Variants in ATRX observed in about 807,000 individuals in gnomAD.
The protein encoded by ATRX is ATRX chromatin remodeler.
ATRX carries 12 observed loss-of-function variants against 172.6 expected under a neutral mutation model. That is an observed-to-expected ratio of 0.07 (90% CI 0.04 to 0.11). The LOEUF (loss-of-function observed/expected upper bound fraction) is 0.11, where lower values mean the gene tolerates loss of function less well. Among genes scored for constraint, ATRX ranks in the 10% least tolerant of loss-of-function variants. The pLI, the probability that ATRX is intolerant of heterozygous loss-of-function variation, is 1.00. For missense variants in ATRX, 1,368 were observed against 1,767.4 expected, an observed-to-expected ratio of 0.77 and a Z score of 4.05; for synonymous variants, 674 against 594.7, an observed-to-expected ratio of 1.13 and a Z score of -1.94.
chrX:77,539,569 AAG>A (rs2063890059), intron 30 of ATRX, among the ~76,000 whole-genome samples: 1 of 111,274 alleles, frequency 9.0e-6, no homozygotes, highest in Non-Finnish European at 1.9e-5. Flanking sequence ...CTAAAAAAAA[AAG>A]AGACATAACA....
chrX:77,595,629 G>A (rs1288339538), intron 25 of ATRX: 2 of 110,894 alleles, frequency 1.8e-5, no homozygotes, highest in Non-Finnish European at 3.8e-5. Context: ...AGGGCTCGAA[G>A]TCTCAAATCC....
Position 77,574,240 on chromosome X carries a change from T to A in ATRX, c.6326+10A>T. 8.8e-7 allele frequency: 1 copy of A among 1,133,553 alleles called. No homozygotes were observed. The highest frequency in any genetic ancestry group is 1.2e-6 in the Non-Finnish European group (1 of 826,761). The allele number at this position is 1,133,553 out of a possible 1,213,427, so 93.4% of individuals were successfully genotyped here. On this transcript the variant is annotated intron_variant, in intron 28 of 34. Transcript: ENST00000373344. ...TTAATGTTTCTACATATACAGAAAA[T>A]TTTTCCTACCTCACATTAGTTTCAT...
intron 30 of ATRX, among the ~76,000 whole-genome samples, chrX:77,532,474 C>A (rs2063609578): frequency 9.0e-6 from 1 of 110,695 alleles, no homozygotes; most frequent in African/African-American, 3.3e-5. Context: ...AATAGAGAAC[C>A]CAGAAATAAG....
intron 1 of ATRX, among the ~76,000 whole-genome samples, chrX:77,725,370 G>A (rs1557172093): frequency 8.9e-6 from 1 of 111,859 alleles, no homozygotes; most frequent in East Asian, 2.8e-4. Flanking sequence ...AAAAAATGGG[G>A]AAAGAATTCC....
chrX:77,749,519 C>G (rs782431265), intron 1 of ATRX, among the ~76,000 whole-genome samples: 2 of 111,686 alleles, frequency 1.8e-5, no homozygotes, highest in Non-Finnish European at 3.8e-5. Context: ...CAAATCACTC[C>G]AGATAAAAAT....
chrX:77,627,550 G>A (rs892766756), intron 19 of ATRX, among the ~76,000 whole-genome samples: 4 of 110,507 alleles, frequency 3.6e-5, no homozygotes, highest in East Asian at 2.8e-4. Flanking sequence ...GCAACATAAC[G>A]AGACCCTCGT....
At chrX:77,712,288 A>G (rs1289895047) in intron 2 of ATRX, among the ~76,000 whole-genome samples, 1 of 112,101 alleles carries the variant, frequency 8.9e-6, no homozygotes, top group Non-Finnish European at 1.9e-5. Flanking sequence ...TCTAGCCTTC[A>G]GTATGCTGCC....
At chrX:77,764,061 C>T (rs2075821111) in intron 1 of ATRX, among the ~76,000 whole-genome samples, 1 of 110,679 alleles carries the variant, frequency 9.0e-6, no homozygotes, top group Admixed American at 9.7e-5. Flanking sequence ...CTGCAGTGAT[C>T]CAAGATCATG....
chrX:77,516,956 T>C (rs920777694), intron 34 of ATRX, among the ~76,000 whole-genome samples: 43 of 110,792 alleles, frequency 3.9e-4, no homozygotes, highest in African/African-American at 1.3e-3. Context: ...CACATGAAAA[T>C]TGAACAATAT....
chrX:77,509,558 A>G (rs918130521), intron 34 of ATRX, among the ~76,000 whole-genome samples: 15 of 111,900 alleles, frequency 1.3e-4, no homozygotes, highest in Non-Finnish European at 2.3e-4. Flanking sequence ...TGAACTGCCA[A>G]TGCCACCCCT....
chrX:77,556,037 G>T (rs1040342183), intron 30 of ATRX, among the ~76,000 whole-genome samples: 1 of 105,794 alleles, frequency 9.5e-6, no homozygotes, highest in Non-Finnish European at 1.9e-5. Flanking sequence ...ATTGCTGGGC[G>T]TGGTGGCAGG....
chrX:77,588,237 A>C (rs2066104833), intron 27 of ATRX, among the ~76,000 whole-genome samples: 1 of 112,236 alleles, frequency 8.9e-6, no homozygotes, highest in Non-Finnish European at 1.9e-5. Flanking sequence ...CAAAAGACTG[A>C]AGTTGAGCCT....
intron 30 of ATRX, among the ~76,000 whole-genome samples, chrX:77,544,076 TCTTA>T (rs781801158): frequency 2.7e-5 from 3 of 110,799 alleles, no homozygotes; most frequent in Admixed American, 1.9e-4. Context: ...ATAAGAAATG[TCTTA>T]CTATTTCAAA....
intron 34 of ATRX, among the ~76,000 whole-genome samples, chrX:77,516,542 T>C (rs1346303226): frequency 9.0e-6 from 1 of 111,458 alleles, no homozygotes; most frequent in East Asian, 2.8e-4. Context: ...GATACAACAA[T>C]TGTAAATATA....
chrX:77,511,253 C>T (rs1286771052), intron 34 of ATRX, among the ~76,000 whole-genome samples: 1 of 112,076 alleles, frequency 8.9e-6, no homozygotes, highest in African/African-American at 3.2e-5. Flanking sequence ...GTTTGGGATG[C>T]CTTCTAATGC....
chrX:77,696,771 T>C (rs2072212754), intron 4 of ATRX, 67 bp from the exon 5 acceptor site: 1 of 1,087,647 alleles, frequency 9.2e-7, no homozygotes, highest in South Asian at 1.9e-5. Context: ...CCAAAGAACA[T>C]AAATAACATG....
At chrX:77,729,354 T>C (rs1186892774) in intron 1 of ATRX, among the ~76,000 whole-genome samples, 1 of 111,526 alleles carries the variant, frequency 9.0e-6, no homozygotes, top group African/African-American at 3.2e-5. Flanking sequence ...CTAATAAATA[T>C]ACCCCAAAAA....
chrX:77,648,015 T>A (rs1313779570), intron 15 of ATRX, among the ~76,000 whole-genome samples: 1 of 111,117 alleles, frequency 9.0e-6, no homozygotes, highest in Non-Finnish European at 1.9e-5. Flanking sequence ...AGACTTCAGG[T>A]GAAAGAAAAT....
At chrX:77,616,819 C>T (rs1217239951) in intron 21 of ATRX, 89 bp from the exon 22 acceptor site, 6 of 648,952 alleles carry the variant, frequency 9.2e-6, no homozygotes, top group African/African-American at 2.2e-5. Context: ...CTGAAATATA[C>T]ACATAAATAA....
Sources: allele counts gnomAD v4.1 joint callset (sites outside exome capture counted in the v4.1 genomes callset), GRCh38; gene constraint gnomAD v4.1.1; transcripts MANE v1.5; gene names NCBI Gene and HGNC (gene_info 2026-07-23, HGNC 2026-07-21).